The following RABGAP1 variants were observed in gnomAD, a reference collection of about 807,000 sequenced individuals.
RABGAP1 encodes RAB GTPase activating protein 1, also known as rab GTPase-activating protein 1.
RABGAP1 carries 23 observed loss-of-function variants against 137.6 expected under a neutral mutation model. That is an observed-to-expected ratio of 0.17 (90% CI 0.12 to 0.24). RABGAP1 has a LOEUF of 0.24. Among genes scored for constraint, RABGAP1 ranks in the 10% least tolerant of loss-of-function variants. The probability of loss-of-function intolerance (pLI) is 1.00; values close to 1 mark genes in which losing one functional copy is unlikely to be tolerated. For synonymous variants in RABGAP1, 451 were observed against 450.7 expected (o/e 1.00, Z -0.01); for missense variants, 906 against 1,275.8 (o/e 0.71, Z 4.42).
At chr9:123,018,265 A>G (rs1394559697) in intron 12 of RABGAP1, among the ~76,000 whole-genome samples, 3 of 152,234 alleles carry the variant, frequency 2.0e-5, no homozygotes, top group Non-Finnish European at 4.4e-5. Flanking sequence ...GTTAATGGAT[A>G]AGAGAACTAA....
chr9:122,983,048 G>T (rs1234183692), intron 2 of RABGAP1, among the ~76,000 whole-genome samples: 1 of 151,612 alleles, frequency 6.6e-6, no homozygotes, highest in African/African-American at 2.4e-5. Context: ...TTGTGTTTTT[G>T]GTAGAGATGG....
intron 13 of RABGAP1, chr9:123,035,405 A>G: frequency 6.2e-7 from 1 of 1,614,168 alleles, no homozygotes. Flanking sequence ...TCCACTGGCC[A>G]CAGCAACCGC....
chr9:122,983,786 TGGCATTG>T (rs1192577546), intron 2 of RABGAP1, among the ~76,000 whole-genome samples: 1 of 152,236 alleles, frequency 6.6e-6, no homozygotes, highest in East Asian at 1.9e-4. Flanking sequence ...TGGTTTTCCT[TGGCATTG>T]GGCAGTCTCC....
chr9:123,101,729 A>G lies in RABGAP1; in HGVS notation c.3053A>G (p.Lys1018Arg). 1 of 1,612,022 alleles carries G rather than the reference A, an allele frequency of 6.2e-7. No individual in the cohort carries two copies. The highest frequency in any genetic ancestry group is 8.5e-7 in the Non-Finnish European group (1 of 1,179,178). The change falls in exon 25 of 26, where the codon AAA becomes AGA. Residue 1018 changes from lysine (K) to arginine (R), a missense_variant. Transcript: ENST00000373647. ...REMELELAQT[K>R]LQLVEAECKI... ...ATGGAGCTAGAACTGGCACAGACCA[A>G]ACTCCAGCTGGTGGAGGCCGAGTGT...
chr9:123,099,411 C>G, intron 23 of RABGAP1, 67 bp from the exon 24 acceptor site: 1 of 1,405,050 alleles, frequency 7.1e-7, no homozygotes, highest in Non-Finnish European at 1.0e-6. Flanking sequence ...TTCCAGCTTC[C>G]ACTATGGAAT....
chr9:123,020,590 C>G (rs1030309404), intron 13 of RABGAP1, 131 bp downstream of exon 13: 35 of 960,502 alleles, frequency 3.6e-5, no homozygotes, highest in Non-Finnish European at 4.5e-5. Context: ...TTAATACTTC[C>G]AGCTCTAACA....
intron 22 of RABGAP1, among the ~76,000 whole-genome samples, chr9:123,098,317 C>CA (rs1444845485): frequency 1.1e-4 from 17 of 152,202 alleles, no homozygotes; most frequent in Admixed American, 1.0e-3. Flanking sequence ...CACGGTCGTC[C>CA]AGGAGGCAGG....
intron 13 of RABGAP1, among the ~76,000 whole-genome samples, chr9:123,060,774 G>A (rs1019350597): frequency 4.6e-5 from 7 of 152,168 alleles, no homozygotes; most frequent in Admixed American, 4.6e-4. Flanking sequence ...CAATTACAGG[G>A]TTTTATTGAA....
chr9:122,937,197 A>C (rs566672212), upstream of RABGAP1, among the ~76,000 whole-genome samples: 7 of 152,380 alleles, frequency 4.6e-5, no homozygotes, highest in African/African-American at 1.7e-4. Context: ...AGTATGGTCA[A>C]TTCAGAAGAA....
chr9:123,095,457 T>C (rs2035154302), intron 21 of RABGAP1, among the ~76,000 whole-genome samples: 1 of 152,140 alleles, frequency 6.6e-6, no homozygotes, highest in South Asian at 2.1e-4. Context: ...TCCCAGCACT[T>C]TGGAGGCCAA....
intron 2 of RABGAP1, among the ~76,000 whole-genome samples, chr9:122,957,720 T>C (rs570075109): frequency 1.6e-4 from 25 of 152,292 alleles, no homozygotes; most frequent in Admixed American, 9.8e-4. Flanking sequence ...AAAGTTGTCA[T>C]TTAAAATATA....
At chr9:122,948,042 AACACACACACACACACAC>A (rs55683114) in intron 1 of RABGAP1, among the ~76,000 whole-genome samples, 1 of 145,958 alleles carries the variant, frequency 6.9e-6, no homozygotes, top group African/African-American at 2.6e-5. Context: ...GAGCCAGGAA[AACACACACACACACACAC>A]ACACACACAC....
chr9:122,941,253 G>C (rs967345418), intron 1 of RABGAP1, among the ~76,000 whole-genome samples, 160 bp downstream of exon 1: 4 of 152,170 alleles, frequency 2.6e-5, no homozygotes, highest in African/African-American at 9.7e-5. Context: ...AGTTCTGAGG[G>C]GAGCCGTGAT....
At chr9:122,975,664 T>C (rs1206893768) in intron 2 of RABGAP1, among the ~76,000 whole-genome samples, 2 of 152,188 alleles carry the variant, frequency 1.3e-5, no homozygotes, top group African/African-American at 2.4e-5. Context: ...TAGAAAGAGC[T>C]GAGAGTGGGG....
intron 13 of RABGAP1, among the ~76,000 whole-genome samples, chr9:123,055,356 T>A (rs1588344341): frequency 6.6e-6 from 1 of 151,916 alleles, no homozygotes; most frequent in Non-Finnish European, 1.5e-5. Context: ...CCTAGTTAAT[T>A]TTTTTGTGTT....
chr9:123,021,503 A>G (rs933064094), intron 13 of RABGAP1, among the ~76,000 whole-genome samples: 1 of 152,016 alleles, frequency 6.6e-6, no homozygotes, highest in Admixed American at 6.6e-5. Flanking sequence ...TAATTTTAGT[A>G]GAGAGTAGGG....
At chr9:123,075,795 C>T (rs2034491121) in intron 17 of RABGAP1, among the ~76,000 whole-genome samples, 1 of 152,146 alleles carries the variant, frequency 6.6e-6, no homozygotes, top group South Asian at 2.1e-4. Flanking sequence ...GCTTCCTCTC[C>T]TTTGTTCTTA....
At chr9:123,078,294 GT>G in intron 19 of RABGAP1, among the ~76,000 whole-genome samples, 1 of 152,020 alleles carries the variant, frequency 6.6e-6, no homozygotes, top group Non-Finnish European at 1.5e-5. Flanking sequence ...AATCATCAGA[GT>G]TTACATTCTA....
intron 19 of RABGAP1, among the ~76,000 whole-genome samples, chr9:123,087,228 A>G (rs1217584790): frequency 1.3e-5 from 2 of 152,366 alleles, no homozygotes; most frequent in African/African-American, 4.8e-5. Context: ...TAATTAGCCT[A>G]TTACAACATA....
Sources: gnomAD v4.1 joint callset for allele counts (sites outside exome capture counted in the v4.1 genomes callset) on GRCh38, gnomAD v4.1.1 for gene constraint, MANE v1.5 for transcripts, NCBI Gene and HGNC (gene_info 2026-07-23, HGNC 2026-07-21) for gene names.